Variants in DLG2 observed in about 807,000 individuals in gnomAD.
DLG2 encodes discs large MAGUK scaffold protein 2.
Under a neutral mutation model 132.5 loss-of-function variants are expected in DLG2, and 45 were observed. That is an observed-to-expected ratio of 0.34 (90% CI 0.27 to 0.44). DLG2 has a LOEUF of 0.44. Ranked by LOEUF, DLG2 falls within the 20% of genes least tolerant of loss-of-function variation. The pLI, the probability that DLG2 is intolerant of heterozygous loss-of-function variation, is 1.00. For synonymous variants in DLG2, 424 were observed against 419.6 expected (o/e 1.01, Z -0.13); for missense variants, 1,045 against 1,196.9 (o/e 0.87, Z 1.87).
chr11:84,658,000 G>C (rs111291703), intron 6 of DLG2, among the ~76,000 whole-genome samples: 3,984 of 152,174 alleles, frequency 0.026, 206 homozygotes, highest in African/African-American at 0.091. Context: ...GGAAGCTTTG[G>C]TATAGCAATC....
chr11:84,827,155 A>G (rs1435163145), intron 6 of DLG2, among the ~76,000 whole-genome samples: 3 of 151,790 alleles, frequency 2.0e-5, no homozygotes, highest in African/African-American at 7.2e-5. Context: ...ACAAGTAAGG[A>G]GTGACCATAT....
chr11:84,476,787 C>T (rs970310988), intron 7 of DLG2, among the ~76,000 whole-genome samples: 5 of 152,222 alleles, frequency 3.3e-5, no homozygotes, highest in South Asian at 2.1e-4. Flanking sequence ...AGAGCCAGCA[C>T]CAACTGCCAA....
At chr11:84,455,088 T>G (rs569964368) in intron 7 of DLG2, among the ~76,000 whole-genome samples, 1 of 151,358 alleles carries the variant, frequency 6.6e-6, no homozygotes, top group Non-Finnish European at 1.5e-5. Flanking sequence ...TATAAAATAA[T>G]AAAGAAAACA....
intron 7 of DLG2, among the ~76,000 whole-genome samples, chr11:84,441,132 A>ATTATT (rs2099016065): frequency 6.7e-6 from 1 of 148,594 alleles, no homozygotes; most frequent in Non-Finnish European, 1.5e-5. Context: ...GATGTTAGTA[A>ATTATT]ATTATTATTA....
intron 6 of DLG2, among the ~76,000 whole-genome samples, chr11:84,861,857 A>C (rs1028866959): frequency 6.6e-6 from 1 of 152,036 alleles, no homozygotes; most frequent in Non-Finnish European, 1.5e-5. Context: ...TATGAAGAAA[A>C]GCTCATCATC....
At chr11:85,429,104 A>T (rs2090986076) in intron 3 of DLG2, among the ~76,000 whole-genome samples, 2 of 152,210 alleles carry the variant, frequency 1.3e-5, no homozygotes, top group Non-Finnish European at 2.9e-5. Context: ...TCAATAGACC[A>T]ATAACAGGCT....
chr11:84,705,659 A>T (rs1429406091), intron 6 of DLG2, among the ~76,000 whole-genome samples: 1 of 151,786 alleles, frequency 6.6e-6, no homozygotes, highest in Admixed American at 6.6e-5. Flanking sequence ...TCTAGGTCTC[A>T]GTCTTGGTGA....
chr11:84,106,868 T>A (rs372086199), intron 9 of DLG2, among the ~76,000 whole-genome samples: 9 of 137,536 alleles, frequency 6.5e-5, no homozygotes, highest in South Asian at 2.4e-4. Context: ...TGTGTATGTG[T>A]GAGAGAGAGA....
intron 6 of DLG2, among the ~76,000 whole-genome samples, chr11:84,621,864 C>T (rs775607169): frequency 2.0e-5 from 3 of 151,978 alleles, no homozygotes; most frequent in Non-Finnish European, 4.4e-5. Context: ...CTCAGAACAC[C>T]GCCAAGCTGA....
intron 18 of DLG2, among the ~76,000 whole-genome samples, chr11:83,697,109 C>T (rs1410257272): frequency 6.6e-6 from 1 of 152,128 alleles, no homozygotes; most frequent in Non-Finnish European, 1.5e-5. Flanking sequence ...AGAAATGAGT[C>T]AGTGTTTGTA....
intron 15 of DLG2, among the ~76,000 whole-genome samples, chr11:83,914,119 C>T (rs897672334): frequency 2.6e-5 from 4 of 151,986 alleles, no homozygotes; most frequent in African/African-American, 9.7e-5. Flanking sequence ...AAATTTCATC[C>T]CCAGTGTTGG....
chr11:84,284,358 T>C (rs2097886286), intron 7 of DLG2, among the ~76,000 whole-genome samples: 1 of 152,238 alleles, frequency 6.6e-6, no homozygotes, highest in Non-Finnish European at 1.5e-5. Context: ...TAAGGGGAAT[T>C]ATATGACCTG....
chr11:85,083,528 G>T (rs1178410043), intron 6 of DLG2, among the ~76,000 whole-genome samples: 1 of 152,144 alleles, frequency 6.6e-6, no homozygotes, highest in African/African-American at 2.4e-5. Context: ...GCTCCAGCTT[G>T]GTTTTATATG....
chr11:84,164,635 A>G (rs143228405), intron 8 of DLG2, among the ~76,000 whole-genome samples: 1 of 152,360 alleles, frequency 6.6e-6, no homozygotes, highest in East Asian at 1.9e-4. Context: ...TAATTAATTT[A>G]CTTGTGTAAT....
intron 6 of DLG2, among the ~76,000 whole-genome samples, chr11:84,551,462 T>C (rs528727953): frequency 6.6e-6 from 1 of 152,366 alleles, no homozygotes; most frequent in South Asian, 2.1e-4. Flanking sequence ...ACTGACAGTG[T>C]CATCTTTCAG....
chr11:85,103,826 T>C (rs2071265956), intron 6 of DLG2, among the ~76,000 whole-genome samples: 1 of 151,864 alleles, frequency 6.6e-6, no homozygotes. Flanking sequence ...ACATATCTGA[T>C]AAGGGACTAA....
At chr11:85,134,926 C>A (rs2076045131) in intron 5 of DLG2, among the ~76,000 whole-genome samples, 1 of 152,192 alleles carries the variant, frequency 6.6e-6, no homozygotes, top group Non-Finnish European at 1.5e-5. Flanking sequence ...TCAAGTTAAA[C>A]ACCACCAATA....
At chr11:84,668,756 C>A (rs1168496628) in intron 6 of DLG2, among the ~76,000 whole-genome samples, 1 of 152,132 alleles carries the variant, frequency 6.6e-6, no homozygotes, top group East Asian at 1.9e-4. Context: ...CCTCTTCTTT[C>A]CTTCTGCATT....
chr11:84,508,608 C>T (rs2099248941), intron 7 of DLG2, among the ~76,000 whole-genome samples: 1 of 152,028 alleles, frequency 6.6e-6, no homozygotes, highest in Non-Finnish European at 1.5e-5. Context: ...CCGTGTTGGC[C>T]AGGCTGGTCT....
Sources: gnomAD v4.1 joint callset for allele counts (sites outside exome capture counted in the v4.1 genomes callset) on GRCh38, gnomAD v4.1.1 for gene constraint, MANE v1.5 for transcripts, NCBI Gene and HGNC (gene_info 2026-07-23, HGNC 2026-07-21) for gene names.